The following TENM3 variants were observed in gnomAD, a reference collection of about 807,000 sequenced individuals.
TENM3 encodes the protein teneurin transmembrane protein 3.
TENM3 carries 63 observed loss-of-function variants against 255.1 expected under a neutral mutation model. That is an observed-to-expected ratio of 0.25 (90% CI 0.20 to 0.30). TENM3 has a LOEUF of 0.30. TENM3 is among the 10% of genes least tolerant of loss of function. The pLI, the probability that TENM3 is intolerant of heterozygous loss-of-function variation, is 1.00. For synonymous variants in TENM3, 1,306 were observed against 1,322.3 expected (o/e 0.99, Z 0.27); for missense variants, 2,929 against 3,461.1 (o/e 0.85, Z 3.86).
the TENM3 span, among the ~76,000 whole-genome samples, chr4:181,789,529 T>C: frequency 1.3e-5 from 2 of 152,058 alleles, no homozygotes; most frequent in African/African-American, 2.4e-5. Context: ...AGTGCTGTGA[T>C]TACAGGCGTG....
the TENM3 span, among the ~76,000 whole-genome samples, chr4:181,969,816 C>T: frequency 1.9e-3 from 282 of 152,264 alleles, 1 homozygote; most frequent in African/African-American, 6.3e-3. Flanking sequence ...CACCCAGGTG[C>T]GTAAACATTT....
chr4:181,717,616 G>A, the TENM3 span, among the ~76,000 whole-genome samples: 1 of 152,202 alleles, frequency 6.6e-6, no homozygotes, highest in Non-Finnish European at 1.5e-5. Context: ...CTGTCAGCCT[G>A]TCTGAGATGG....
intron 3 of TENM3, among the ~76,000 whole-genome samples, chr4:182,466,853 GTT>G (rs57656357): frequency 2.1e-5 from 3 of 143,828 alleles, no homozygotes; most frequent in Non-Finnish European, 3.0e-5. Flanking sequence ...GCTGTCTTCA[GTT>G]TTTTTTTTTT....
intron 3 of TENM3, among the ~76,000 whole-genome samples, chr4:182,530,069 T>C (rs1021544189): frequency 6.6e-6 from 1 of 152,222 alleles, no homozygotes; most frequent in African/African-American, 2.4e-5. Flanking sequence ...GAGAATTTGT[T>C]TCTGTTTTAA....
the TENM3 span, among the ~76,000 whole-genome samples, chr4:181,613,159 CAA>C: frequency 6.6e-6 from 1 of 152,202 alleles, no homozygotes; most frequent in African/African-American, 2.4e-5. Context: ...GGTCTAAGTT[CAA>C]AAGACAGAAG....
intron 6 of TENM3, among the ~76,000 whole-genome samples, chr4:182,671,278 A>G (rs1019679533): frequency 6.6e-6 from 1 of 152,174 alleles, no homozygotes; most frequent in African/African-American, 2.4e-5. Flanking sequence ...TGGCAGAGCC[A>G]GGATTCAAAC....
the TENM3 span, among the ~76,000 whole-genome samples, chr4:181,849,141 G>C: frequency 3.2e-3 from 480 of 152,330 alleles, 10 homozygotes; most frequent in East Asian, 0.052. Context: ...TGGTAACACA[G>C]TCATAAGTAA....
chr4:182,687,515 A>T (rs1015112348), intron 11 of TENM3, among the ~76,000 whole-genome samples: 4 of 152,162 alleles, frequency 2.6e-5, no homozygotes, highest in African/African-American at 9.6e-5. Flanking sequence ...AGTCAATTAT[A>T]TGTATTATTA....
chr4:182,268,852 G>A (rs1474317693), intron 1 of TENM3, among the ~76,000 whole-genome samples: 1 of 152,058 alleles, frequency 6.6e-6, no homozygotes, highest in Admixed American at 6.6e-5. Flanking sequence ...ATAAAAATGG[G>A]TAAACAGCAG....
chr4:181,490,856 A>C, the TENM3 span, among the ~76,000 whole-genome samples: 1 of 152,104 alleles, frequency 6.6e-6, no homozygotes, highest in Non-Finnish European at 1.5e-5. Flanking sequence ...CTATGGAGCA[A>C]ATAATTTTCC....
intron 3 of TENM3, among the ~76,000 whole-genome samples, chr4:182,352,740 A>G (rs897127380): frequency 3.9e-5 from 6 of 152,140 alleles, no homozygotes; most frequent in African/African-American, 1.4e-4. Flanking sequence ...TGGAGAGATA[A>G]AGTCTAAAAG....
chr4:182,660,902 G>T (rs568565481), intron 6 of TENM3, among the ~76,000 whole-genome samples: 1 of 152,222 alleles, frequency 6.6e-6, no homozygotes, highest in South Asian at 2.1e-4. Flanking sequence ...GAAAATCTCC[G>T]TTAGGGAAAA....
chr4:181,617,687 T>G, the TENM3 span, among the ~76,000 whole-genome samples: 1 of 152,200 alleles, frequency 6.6e-6, no homozygotes, highest in Non-Finnish European at 1.5e-5. Context: ...AATGAGCTCA[T>G]GGACTACGAC....
intron 2 of TENM3, among the ~76,000 whole-genome samples, chr4:182,337,439 A>G (rs1392639589): frequency 1.3e-5 from 2 of 152,208 alleles, no homozygotes; most frequent in Non-Finnish European, 2.9e-5. Flanking sequence ...AAGCCTGTGG[A>G]AAATGCTCAG....
At chr4:182,023,425 T>C in the TENM3 span, among the ~76,000 whole-genome samples, 3,440 of 152,288 alleles carry the variant, frequency 0.023, 129 homozygotes, top group African/African-American at 0.077. Flanking sequence ...CTCACTATAA[T>C]TATCATAGGT....
the TENM3 span, among the ~76,000 whole-genome samples, chr4:181,632,048 GGTGTGGT>G: frequency 2.0e-5 from 3 of 152,268 alleles, no homozygotes; most frequent in Admixed American, 2.0e-4. Context: ...CTGAGTGTGA[GGTGTGGT>G]GTATTAGTCT....
the TENM3 span, among the ~76,000 whole-genome samples, chr4:181,597,028 A>G: frequency 1.3e-5 from 2 of 152,172 alleles, no homozygotes; most frequent in South Asian, 4.1e-4. Context: ...ATACAAGTTA[A>G]TCTATGTAAC....
the TENM3 span, among the ~76,000 whole-genome samples, chr4:181,890,640 T>G: frequency 1.3e-5 from 2 of 151,816 alleles, no homozygotes; most frequent in Admixed American, 1.3e-4. Context: ...GTGCCCCCAC[T>G]CTATTATTAG....
At chr4:181,783,874 AC>A in the TENM3 span, among the ~76,000 whole-genome samples, 1 of 151,910 alleles carries the variant, frequency 6.6e-6, no homozygotes, top group African/African-American at 2.4e-5. Context: ...TAAATTTTTT[AC>A]TTTTTGAAGA....
Sources: gnomAD v4.1 joint callset for allele counts (sites outside exome capture counted in the v4.1 genomes callset) on GRCh38, gnomAD v4.1.1 for gene constraint, MANE v1.5 for transcripts, NCBI Gene and HGNC (gene_info 2026-07-23, HGNC 2026-07-21) for gene names.